SYNDIG1: variants seen among roughly 807,000 people sequenced by gnomAD.
SYNDIG1 encodes synapse differentiation-inducing gene protein 1.
Under a neutral mutation model 19.4 loss-of-function variants are expected in SYNDIG1, and 9 were observed. That is an observed-to-expected ratio of 0.46 (90% CI 0.28 to 0.81). The LOEUF (loss-of-function observed/expected upper bound fraction) is 0.81. Ranked by LOEUF, SYNDIG1 falls within the 30% of genes least tolerant of loss-of-function variation. SYNDIG1 has a pLI of 0.12. For missense variants in SYNDIG1, 311 were observed against 343.3 expected, an observed-to-expected ratio of 0.91 and a Z score of 0.74; for synonymous variants, 141 against 145.9, an observed-to-expected ratio of 0.97 and a Z score of 0.24.
intron 2 of SYNDIG1, among the ~76,000 whole-genome samples, chr20:24,550,933 G>A (rs1416801576): frequency 1.3e-5 from 2 of 152,026 alleles, no homozygotes; most frequent in Non-Finnish European, 2.9e-5. Flanking sequence ...AAGGATTTCT[G>A]TGCCTATATT....
At chr20:24,631,902 T>G (rs1319357639) in intron 3 of SYNDIG1, among the ~76,000 whole-genome samples, 1 of 152,256 alleles carries the variant, frequency 6.6e-6, no homozygotes, top group Admixed American at 6.5e-5. Context: ...ATAGTAGATT[T>G]GCAGTGTTGG....
At chr20:24,619,781 T>G (rs907422549) in intron 3 of SYNDIG1, among the ~76,000 whole-genome samples, 1 of 152,196 alleles carries the variant, frequency 6.6e-6, no homozygotes, top group African/African-American at 2.4e-5. Context: ...CAGAACATAC[T>G]GTATCCCAGA....
At chr20:24,525,286 C>CTTTTTT (rs11471122) in intron 1 of SYNDIG1, among the ~76,000 whole-genome samples, 46 of 106,516 alleles carry the variant, frequency 4.3e-4, no homozygotes, top group Non-Finnish European at 6.8e-4. Flanking sequence ...TCTTCTTCTT[C>CTTTTTT]TTTTTTTTTT....
rs11292561 is a variant in SYNDIG1 at position 24,475,120 on chromosome 20, CT to C, written c.-79+5369del. 6.6e-3 allele frequency among the ~76,000 whole-genome samples: 999 copies of C among 152,264 alleles called. 9 individuals are homozygous for C. Among genetic ancestry groups the C allele is most frequent in the African/African-American group, 0.023 (950 of 41,542 alleles). On this transcript the variant is annotated intron_variant, in intron 1 of 3. Transcript: ENST00000376862. ...GCAGTTTTTAACTTCCTCCTATGAT[CT>C]TGGTCCTCACATGTTGGTGGTACAG...
intron 2 of SYNDIG1, among the ~76,000 whole-genome samples, chr20:24,569,108 C>T (rs754012173): frequency 3.3e-5 from 5 of 152,144 alleles, no homozygotes; most frequent in Non-Finnish European, 5.9e-5. Context: ...GTCGGAAATA[C>T]GAACTCAATA....
chr20:24,504,386 T>C (rs2056535255), intron 1 of SYNDIG1, among the ~76,000 whole-genome samples: 1 of 152,090 alleles, frequency 6.6e-6, no homozygotes. Context: ...AGAGACCCTA[T>C]GCGTAGCAAA....
At chr20:24,492,670 A>G in intron 1 of SYNDIG1, among the ~76,000 whole-genome samples, 1 of 152,052 alleles carries the variant, frequency 6.6e-6, no homozygotes, top group Non-Finnish European at 1.5e-5. Context: ...TTCCCCCGCT[A>G]CATTGCTGGA....
At chr20:24,625,384 A>ATTTTTT (rs35759862) in intron 3 of SYNDIG1, among the ~76,000 whole-genome samples, 7 of 115,278 alleles carry the variant, frequency 6.1e-5, no homozygotes, top group Admixed American at 1.9e-4. Context: ...TGCCTGGGAC[A>ATTTTTT]TTTTTTTTTT....
intron 1 of SYNDIG1, among the ~76,000 whole-genome samples, chr20:24,496,058 G>C (rs1325218459): frequency 6.6e-6 from 1 of 152,064 alleles, no homozygotes; most frequent in African/African-American, 2.4e-5. Context: ...TGTTAGACAG[G>C]ATGGTCTCGA....
intron 1 of SYNDIG1, among the ~76,000 whole-genome samples, chr20:24,485,223 A>C (rs1247336510): frequency 6.6e-6 from 1 of 152,204 alleles, no homozygotes; most frequent in African/African-American, 2.4e-5. Flanking sequence ...CACAAAACAG[A>C]CTAAGACACA....
chr20:24,604,639 C>T (rs1442221319), intron 3 of SYNDIG1, among the ~76,000 whole-genome samples: 1 of 152,172 alleles, frequency 6.6e-6, no homozygotes, highest in Non-Finnish European at 1.5e-5. Flanking sequence ...CATGAAAAAT[C>T]CGCCCTTTGT....
intron 3 of SYNDIG1, among the ~76,000 whole-genome samples, chr20:24,616,310 T>C (rs16986777): frequency 0.12 from 17,699 of 152,238 alleles, 1,120 homozygotes; most frequent in East Asian, 0.15. Context: ...CACCTGGCAT[T>C]GTGACATGTT....
At position 24,665,757 on chromosome 20, in the gene SYNDIG1, G is replaced by A. The variant is rs2059642202; in HGVS notation, c.*253G>A. On this transcript the variant is annotated 3_prime_UTR_variant, in exon 4 of 4. Coordinates refer to ENST00000376862, the MANE Select transcript of SYNDIG1 (RefSeq NM_024893.3). ...TCCAAAGATCCCAGCCCGCAAGGCT[G>A]TCTCTGGATGGATTCTGGTGGATGA... The A allele has an allele frequency of 2.0e-6, 1 of 497,822 alleles. No individual in the cohort carries two copies. Among genetic ancestry groups the A allele is most frequent in the Non-Finnish European group, 3.4e-6 (1 of 294,438 alleles). 30.8% of individuals were successfully genotyped at this position (497,822 alleles called of 1,614,324 possible).
At chr20:24,565,119 G>T (rs1284059692) in intron 2 of SYNDIG1, among the ~76,000 whole-genome samples, 1 of 152,110 alleles carries the variant, frequency 6.6e-6, no homozygotes, top group African/African-American at 2.4e-5. Flanking sequence ...TCCCATGTAG[G>T]CAAAAAGTAA....
chr20:24,575,319 T>C (rs2058210627), intron 2 of SYNDIG1, among the ~76,000 whole-genome samples: 1 of 152,156 alleles, frequency 6.6e-6, no homozygotes, highest in Admixed American at 6.5e-5. Context: ...AGGACGGAGG[T>C]GATCCATTAA....
chr20:24,566,550 T>C (rs1215845753), intron 2 of SYNDIG1, among the ~76,000 whole-genome samples: 1 of 152,246 alleles, frequency 6.6e-6, no homozygotes, highest in Middle Eastern at 3.4e-3. Context: ...GCAGTCAGCT[T>C]GTTGTGTGAA....
At chr20:24,566,295 G>A (rs556991017) in intron 2 of SYNDIG1, among the ~76,000 whole-genome samples, 3 of 152,278 alleles carry the variant, frequency 2.0e-5, no homozygotes, top group South Asian at 2.1e-4. Flanking sequence ...CCCAGAGCTC[G>A]CACACAGTAG....
At chr20:24,599,347 A>T (rs1423179396) in intron 3 of SYNDIG1, among the ~76,000 whole-genome samples, 1 of 152,204 alleles carries the variant, frequency 6.6e-6, no homozygotes, top group African/African-American at 2.4e-5. Flanking sequence ...GATGTTGCTA[A>T]GTATGCAGAG....
chr20:24,579,834 G>T (rs1013075122), intron 2 of SYNDIG1, among the ~76,000 whole-genome samples: 1 of 152,202 alleles, frequency 6.6e-6, no homozygotes. Context: ...TCCTGAAACA[G>T]GTGCCTCACA....
Sources: gnomAD v4.1 joint callset for allele counts (sites outside exome capture counted in the v4.1 genomes callset) on GRCh38, gnomAD v4.1.1 for gene constraint, MANE v1.5 for transcripts, NCBI Gene and HGNC (gene_info 2026-07-23, HGNC 2026-07-21) for gene names.